The following PTPRD variants were observed in gnomAD, a reference collection of about 807,000 sequenced individuals.
PTPRD encodes protein tyrosine phosphatase receptor type D.
A neutral mutation model predicts 214.5 loss-of-function variants in PTPRD; 34 were observed. The ratio of observed to expected loss-of-function variants is 0.16; its 90% CI spans 0.12 to 0.21. PTPRD has a LOEUF of 0.21. Ranked by LOEUF, PTPRD falls within the 10% of genes least tolerant of loss-of-function variation. The pLI, the probability that PTPRD is intolerant of heterozygous loss-of-function variation, is 1.00. For missense variants in PTPRD, 2,545 were observed against 2,398.7 expected (o/e 1.06, Z -1.27); for synonymous variants, 1,128 against 845.7 (o/e 1.33, Z -5.79).
intron 7 of PTPRD, among the ~76,000 whole-genome samples, chr9:9,632,497 A>T (rs2154360413): frequency 6.6e-6 from 1 of 152,300 alleles, no homozygotes; most frequent in East Asian, 1.9e-4. Flanking sequence ...TGATGATTGT[A>T]CAATCTTGTA....
At chr9:8,939,799 G>A (rs995232646) in intron 11 of PTPRD, among the ~76,000 whole-genome samples, 5 of 152,104 alleles carry the variant, frequency 3.3e-5, no homozygotes, top group African/African-American at 1.2e-4. Context: ...AATAAATACT[G>A]ATGATAATAC....
chr9:10,376,950 G>C (rs2097741342), intron 2 of PTPRD, among the ~76,000 whole-genome samples: 1 of 151,812 alleles, frequency 6.6e-6, no homozygotes. Flanking sequence ...CAATTAAATT[G>C]TTATTGACTA....
intron 11 of PTPRD, among the ~76,000 whole-genome samples, chr9:8,920,078 C>G (rs557618714): frequency 5.9e-5 from 9 of 152,200 alleles, no homozygotes; most frequent in Non-Finnish European, 1.2e-4. Flanking sequence ...CAGTGGCTCA[C>G]AGCTGTAATC....
chr9:10,106,838 T>C (rs1432289923), intron 3 of PTPRD, among the ~76,000 whole-genome samples: 2 of 152,000 alleles, frequency 1.3e-5, no homozygotes, highest in Non-Finnish European at 2.9e-5. Context: ...ATATGTTTCA[T>C]TGAAACTTTT....
intron 10 of PTPRD, among the ~76,000 whole-genome samples, chr9:9,124,941 C>T (rs1475125191): frequency 2.0e-5 from 3 of 152,132 alleles, no homozygotes; most frequent in Admixed American, 1.3e-4. Flanking sequence ...TTTGTTAACT[C>T]GTTATAACAA....
intron 7 of PTPRD, among the ~76,000 whole-genome samples, chr9:9,662,241 T>G (rs1265138315): frequency 6.6e-6 from 1 of 151,660 alleles, no homozygotes; most frequent in Non-Finnish European, 1.5e-5. Flanking sequence ...TAAAGTATCA[T>G]AACAAAACCA....
intron 7 of PTPRD, among the ~76,000 whole-genome samples, chr9:9,684,627 G>A (rs538488604): frequency 2.6e-4 from 39 of 151,594 alleles, no homozygotes; most frequent in African/African-American, 9.4e-4. Flanking sequence ...ATACATAAAA[G>A]GCCTTTTTTG....
At chr9:8,805,478 G>C (rs528301771) in intron 11 of PTPRD, among the ~76,000 whole-genome samples, 1 of 149,628 alleles carries the variant, frequency 6.7e-6, no homozygotes, top group African/African-American at 2.5e-5. Context: ...GCCAATTTTG[G>C]AAAATGATTA....
intron 14 of PTPRD, among the ~76,000 whole-genome samples, chr9:8,599,909 C>T (rs968703212): frequency 3.3e-5 from 5 of 152,196 alleles, no homozygotes; most frequent in South Asian, 4.2e-4. Context: ...TGAGCCACGG[C>T]GCCTGGCCGG....
intron 7 of PTPRD, among the ~76,000 whole-genome samples, chr9:9,707,166 A>G (rs1282342165): frequency 1.3e-5 from 2 of 152,130 alleles, no homozygotes; most frequent in Non-Finnish European, 2.9e-5. Context: ...TATCGGTAAT[A>G]TTTTTCCAAT....
chr9:9,859,551 C>T (rs764537460), intron 5 of PTPRD, among the ~76,000 whole-genome samples: 4 of 152,218 alleles, frequency 2.6e-5, no homozygotes, highest in Non-Finnish European at 4.4e-5. Flanking sequence ...TAGATTCCCA[C>T]ATAACTCCCC....
At chr9:9,525,826 T>G (rs78969170) in intron 8 of PTPRD, among the ~76,000 whole-genome samples, 1 of 152,060 alleles carries the variant, frequency 6.6e-6, no homozygotes, top group Middle Eastern at 3.4e-3. Flanking sequence ...TTTTTTTTTT[T>G]GTACAAACAG....
chr9:10,460,880 A>G (rs1045517766), intron 2 of PTPRD, among the ~76,000 whole-genome samples: 1 of 152,198 alleles, frequency 6.6e-6, no homozygotes. Context: ...AAAAGCAAAC[A>G]TAAATAAAAG....
intron 39 of PTPRD, among the ~76,000 whole-genome samples, chr9:8,355,918 G>A (rs887082666): frequency 6.6e-6 from 1 of 152,038 alleles, no homozygotes; most frequent in East Asian, 1.9e-4. Flanking sequence ...ATTTTTATAT[G>A]TAAATACAGA....
At chr9:9,229,914 A>G (rs2099962006) in intron 9 of PTPRD, among the ~76,000 whole-genome samples, 1 of 152,166 alleles carries the variant, frequency 6.6e-6, no homozygotes, top group Non-Finnish European at 1.5e-5. Flanking sequence ...TAAAATAGAG[A>G]AAGAATAGGG....
intron 11 of PTPRD, among the ~76,000 whole-genome samples, chr9:8,986,079 T>A (rs2099343842): frequency 6.6e-6 from 1 of 152,054 alleles, no homozygotes; most frequent in African/African-American, 2.4e-5. Context: ...AGGACCTTGA[T>A]AATTCAGTTA....
intron 8 of PTPRD, among the ~76,000 whole-genome samples, chr9:9,433,024 G>A (rs533925916): frequency 3.3e-5 from 5 of 152,132 alleles, no homozygotes; most frequent in Non-Finnish European, 7.4e-5. Context: ...GTGTGTTTCC[G>A]AATGCAAGCG....
intron 9 of PTPRD, among the ~76,000 whole-genome samples, chr9:9,233,239 G>A (rs561868909): frequency 1.2e-3 from 184 of 152,260 alleles, no homozygotes; most frequent in African/African-American, 3.9e-3. Flanking sequence ...TGGCAGGGGA[G>A]AGAATGAGTG....
At chr9:10,154,110 T>C (rs2099079031) in intron 3 of PTPRD, among the ~76,000 whole-genome samples, 1 of 152,178 alleles carries the variant, frequency 6.6e-6, no homozygotes, top group Non-Finnish European at 1.5e-5. Flanking sequence ...TAAGCACTTT[T>C]TTACTGCAAC....
Sources: gnomAD v4.1 joint callset for allele counts (sites outside exome capture counted in the v4.1 genomes callset) on GRCh38, gnomAD v4.1.1 for gene constraint, MANE v1.5 for transcripts, NCBI Gene and HGNC (gene_info 2026-07-23, HGNC 2026-07-21) for gene names.